C7orf78: variants seen among roughly 807,000 people sequenced by gnomAD.
The protein encoded by C7orf78 is chromosome 7 open reading frame 78, also known as putative uncharacterized protein C7orf78.
At chr7:12,528,391 C>G in the C7orf78 span, among the ~76,000 whole-genome samples, 1 of 150,558 alleles carries the variant, frequency 6.6e-6, no homozygotes, top group Non-Finnish European at 1.5e-5. Context: ...GTGTCACTCA[C>G]TTTGGTAGAA....
the C7orf78 span, among the ~76,000 whole-genome samples, chr7:12,526,636 C>T: frequency 6.6e-6 from 1 of 152,098 alleles, no homozygotes; most frequent in Non-Finnish European, 1.5e-5. Flanking sequence ...AAATATTGTA[C>T]ACATTTTAGC....
chr7:12,521,863 A>T, the C7orf78 span, among the ~76,000 whole-genome samples: 1 of 151,764 alleles, frequency 6.6e-6, no homozygotes, highest in African/African-American at 2.4e-5. Context: ...AGTTTTTCCT[A>T]TCATATCATT....
the C7orf78 span, among the ~76,000 whole-genome samples, chr7:12,489,867 G>A: frequency 1.3e-5 from 2 of 152,054 alleles, no homozygotes; most frequent in Non-Finnish European, 2.9e-5. Context: ...GAAAGTGACA[G>A]GTGGCATCGA....
At chr7:12,532,885 A>G in the C7orf78 span, among the ~76,000 whole-genome samples, 38 of 152,214 alleles carry the variant, frequency 2.5e-4, no homozygotes, top group Admixed American at 7.8e-4. Context: ...GGAGGACCAC[A>G]GGACAGATGA....
At chr7:12,508,488 A>G in the C7orf78 span, among the ~76,000 whole-genome samples, 1 of 152,328 alleles carries the variant, frequency 6.6e-6, no homozygotes, top group East Asian at 1.9e-4. Context: ...GTTATATTAG[A>G]AGAAAAATTT....
chr7:12,503,233 T>TAAATAAATAAATAAATAAATAAATA, the C7orf78 span, among the ~76,000 whole-genome samples: 1 of 135,610 alleles, frequency 7.4e-6, no homozygotes, highest in Non-Finnish European at 1.6e-5. Flanking sequence ...TAAAGTATAA[T>TAAATAAATAAATAAATAAATAAATA]AATAAACAAA....
At chr7:12,513,723 G>A in the C7orf78 span, among the ~76,000 whole-genome samples, 4 of 151,712 alleles carry the variant, frequency 2.6e-5, no homozygotes, top group East Asian at 3.9e-4. Context: ...ATTCTGGGCC[G>A]GGCGCGGTGG....
chr7:12,490,372 C>T, the C7orf78 span, among the ~76,000 whole-genome samples: 8 of 152,146 alleles, frequency 5.3e-5, no homozygotes, highest in South Asian at 2.1e-4. Flanking sequence ...GAGCCCAGGA[C>T]GATGTCATCA....
the C7orf78 span, among the ~76,000 whole-genome samples, chr7:12,532,728 C>G: frequency 6.6e-6 from 1 of 151,994 alleles, no homozygotes; most frequent in Non-Finnish European, 1.5e-5. Context: ...AATAACAATT[C>G]AAAACTATGC....
chr7:12,519,087 G>C, the C7orf78 span, among the ~76,000 whole-genome samples: 1 of 152,056 alleles, frequency 6.6e-6, no homozygotes, highest in East Asian at 1.9e-4. Context: ...GCAGAAGATG[G>C]AGATGAGGAT....
At chr7:12,488,388 C>G in the C7orf78 span, among the ~76,000 whole-genome samples, 1 of 151,942 alleles carries the variant, frequency 6.6e-6, no homozygotes, top group Non-Finnish European at 1.5e-5. Context: ...AAATGCAAAA[C>G]AGTCCACATA....
chr7:12,535,427 T>G, the C7orf78 span, among the ~76,000 whole-genome samples: 5 of 152,162 alleles, frequency 3.3e-5, no homozygotes, highest in Non-Finnish European at 5.9e-5. Context: ...AAGAACAGCA[T>G]GGGAAAGAAC....
At chr7:12,493,481 C>T in the C7orf78 span, among the ~76,000 whole-genome samples, 1 of 152,174 alleles carries the variant, frequency 6.6e-6, no homozygotes, top group African/African-American at 2.4e-5. Flanking sequence ...TTGCTGGGCC[C>T]TACCTCCAAA....
chr7:12,524,801 C>T, the C7orf78 span, among the ~76,000 whole-genome samples: 1 of 151,946 alleles, frequency 6.6e-6, no homozygotes, highest in African/African-American at 2.4e-5. Flanking sequence ...CGAGATCTCA[C>T]CACTGCACTC....
chr7:12,522,176 A>G, the C7orf78 span, among the ~76,000 whole-genome samples: 8 of 152,090 alleles, frequency 5.3e-5, no homozygotes, highest in Non-Finnish European at 8.8e-5. Context: ...CTAGCACAAG[A>G]GAAGGAAATT....
chr7:12,534,114 T>A, the C7orf78 span, among the ~76,000 whole-genome samples: 1 of 152,216 alleles, frequency 6.6e-6, no homozygotes, highest in African/African-American at 2.4e-5. Flanking sequence ...GAATTTTAAA[T>A]ATGCTGTGTT....
At chr7:12,488,848 G>GAAAA in the C7orf78 span, among the ~76,000 whole-genome samples, 1 of 151,326 alleles carries the variant, frequency 6.6e-6, no homozygotes, top group African/African-American at 2.4e-5. Flanking sequence ...AATGTTTCTT[G>GAAAA]TAAAGTATTA....
At chr7:12,525,425 T>C in the C7orf78 span, among the ~76,000 whole-genome samples, 1 of 152,150 alleles carries the variant, frequency 6.6e-6, no homozygotes, top group African/African-American at 2.4e-5. Flanking sequence ...AGAAAAATAA[T>C]ATGCAATTCT....
the C7orf78 span, among the ~76,000 whole-genome samples, chr7:12,505,346 A>G: frequency 6.6e-6 from 1 of 152,118 alleles, no homozygotes; most frequent in Non-Finnish European, 1.5e-5. Context: ...TAGAGTTTGT[A>G]GAGATAGAAA....
Sources: gnomAD v4.1 joint callset for allele counts (sites outside exome capture counted in the v4.1 genomes callset) on GRCh38, gnomAD v4.1.1 for gene constraint, MANE v1.5 for transcripts, NCBI Gene and HGNC (gene_info 2026-07-23, HGNC 2026-07-21) for gene names.